Variants in HSD11B1 observed in about 807,000 individuals in gnomAD.
The protein encoded by HSD11B1 is hydroxysteroid 11-beta dehydrogenase 1.
A neutral mutation model predicts 22.1 loss-of-function variants in HSD11B1; 15 were observed. The ratio of observed to expected loss-of-function variants is 0.68; its 90% confidence interval spans 0.45 to 1.04. HSD11B1 has a LOEUF of 1.04. Among genes scored for constraint, HSD11B1 ranks in the 50% least tolerant of loss-of-function variants. The pLI is 0.00. For missense variants in HSD11B1, 281 were observed against 357.6 expected, an observed-to-expected ratio of 0.79 and a Z score of 1.73; for synonymous variants, 122 against 125.2, an observed-to-expected ratio of 0.97 and a Z score of 0.17.
Position 209,706,009 on chromosome 1 carries a change from A to G in HSD11B1, c.219+68A>G, listed in dbSNP as rs2076856768. 2 of 1,592,552 alleles carry G rather than the reference A, an allele frequency of 1.3e-6. No individual in the cohort carries two copies. The highest frequency in any genetic ancestry group is 4.5e-5 in the East Asian group (2 of 44,582). ...CAGATGTGTTCTTATATATGCTCACATATACACAGAAGCTAGCATATCGCA... is the reference window on the plus strand; with the variant it reads ...CAGATGTGTTCTTATATATGCTCACGTATACACAGAAGCTAGCATATCGCA... On this transcript the variant is annotated intron_variant, in intron 2 of 5. Transcript: ENST00000367027. This position sits in a 1 kb window ranked among gnomAD's most constrained non-coding sequence, Gnocchi z 4.0.
chr1:209,709,877 C>T (rs1386690528), intron 4 of HSD11B1, among the ~76,000 whole-genome samples: 2 of 151,928 alleles, frequency 1.3e-5, no homozygotes, highest in African/African-American at 2.4e-5. Flanking sequence ...CCACATCACC[C>T]ATGCTAAAAA....
chr1:209,695,478 A>G (rs2076785379), intron 1 of HSD11B1, among the ~76,000 whole-genome samples: 1 of 152,200 alleles, frequency 6.6e-6, no homozygotes, highest in Non-Finnish European at 1.5e-5. Flanking sequence ...TGGTGAGTAA[A>G]AATAACAGTC....
At chr1:209,725,518 T>G (rs1294518049) in intron 4 of HSD11B1, among the ~76,000 whole-genome samples, 1 of 152,220 alleles carries the variant, frequency 6.6e-6, no homozygotes, top group Non-Finnish European at 1.5e-5. Flanking sequence ...TTTTCCTTAG[T>G]CATGCCAGTT....
chr1:209,721,934 T>G (rs1274837139), intron 4 of HSD11B1, among the ~76,000 whole-genome samples: 1 of 152,150 alleles, frequency 6.6e-6, no homozygotes, highest in Non-Finnish European at 1.5e-5. Flanking sequence ...GTTCTCCAAA[T>G]AATGCTATTG....
intron 4 of HSD11B1, among the ~76,000 whole-genome samples, chr1:209,718,192 T>C (rs774782850): frequency 1.7e-4 from 26 of 152,186 alleles, no homozygotes; most frequent in Non-Finnish European, 5.9e-5. Flanking sequence ...AGAGTGACTA[T>C]AGTTAGTAAC....
At chr1:209,702,652 T>C (rs2076832460), upstream of HSD11B1, among the ~76,000 whole-genome samples, 1 of 152,242 alleles carries the variant, frequency 6.6e-6, no homozygotes, top group Admixed American at 6.5e-5. Flanking sequence ...TGTATGCTTA[T>C]GTATTCTTGA....
chr1:209,697,486 G>A (rs373224910), intron 1 of HSD11B1, among the ~76,000 whole-genome samples: 33 of 152,256 alleles, frequency 2.2e-4, no homozygotes, highest in Non-Finnish European at 3.8e-4. Flanking sequence ...TTCCATTAGC[G>A]CACTGGTAAT....
upstream of HSD11B1, chr1:209,704,844 T>G (rs956532644): frequency 1.8e-5 from 16 of 896,138 alleles, no homozygotes; most frequent in Non-Finnish European, 2.6e-5. Context: ...GTCCCTGATG[T>G]CACAATTCAG....
chr1:209,690,984 C>A (rs572316133), intron 1 of HSD11B1, among the ~76,000 whole-genome samples: 1 of 152,030 alleles, frequency 6.6e-6, no homozygotes, highest in South Asian at 2.1e-4. Context: ...GTGCCCAACA[C>A]AATGAACCAC....
At chr1:209,726,466 C>A (rs1215836522) in intron 4 of HSD11B1, among the ~76,000 whole-genome samples, 1 of 151,956 alleles carries the variant, frequency 6.6e-6, no homozygotes, top group African/African-American at 2.4e-5. Flanking sequence ...ATTAGCCAAG[C>A]ACAGTGGCAT....
chr1:209,698,212 T>C (rs1422133041), intron 1 of HSD11B1, among the ~76,000 whole-genome samples: 1 of 142,812 alleles, frequency 7.0e-6, no homozygotes, highest in Non-Finnish European at 1.6e-5. Context: ...GATAGATAGA[T>C]AGATAGGAAG....
intron 4 of HSD11B1, among the ~76,000 whole-genome samples, chr1:209,720,356 C>G (rs898029091): frequency 2.6e-5 from 4 of 151,988 alleles, no homozygotes; most frequent in Admixed American, 6.6e-5. Flanking sequence ...GAGGAAACAC[C>G]GGATAAATCC....
chr1:209,704,948 T>C lies in HSD11B1; in HGVS notation c.6T>C (p.Ala2=). The C allele has an allele frequency of 6.2e-7, 1 of 1,613,624 alleles. No homozygotes were observed. Among genetic ancestry groups the C allele is most frequent in the Non-Finnish European group, 8.5e-7 (1 of 1,179,614 alleles). M[A]FMKKYLLPIL... Reference sequence around the variant, plus strand: ...TCAGGCCAGCTCCCTGTCGGATGGCTTTTATGAAAAAATATCTCCTCCCCA... The same window carrying C: ...TCAGGCCAGCTCCCTGTCGGATGGCCTTTATGAAAAAATATCTCCTCCCCA... The change falls in exon 1 of 6, where the codon GCT becomes GCC. Residue 2 remains alanine, a synonymous_variant. Transcript: ENST00000367027.
At chr1:209,730,879 C>T (rs969356015) in intron 4 of HSD11B1, among the ~76,000 whole-genome samples, 8 of 152,104 alleles carry the variant, frequency 5.3e-5, no homozygotes, top group Non-Finnish European at 1.0e-4. Flanking sequence ...GACAAAATAT[C>T]GACGACAACC....
chr1:209,697,902 T>TTTTTTTTTTTTTTTTTTTTTTG (rs2076801416), intron 1 of HSD11B1, among the ~76,000 whole-genome samples: 1 of 119,924 alleles, frequency 8.3e-6, no homozygotes, highest in Non-Finnish European at 1.8e-5. Context: ...TTTTTTTTTT[T>TTTTTTTTTTTTTTTTTTTTTTG]TTTTTTTTTT....
chr1:209,728,448 A>G lies in HSD11B1; in HGVS notation c.518-3988A>G, dbSNP rs191043129. ...TGGGTTACTTCAGCTTGGTTATATT[A>G]TTATCCACATATTACAGCTAAGAAT... is the stretch of plus-strand genomic sequence containing the variant. On this transcript the variant is annotated intron_variant, in intron 4 of 5. Transcript: ENST00000367027. Among the ~76,000 whole-genome samples, 151 of 152,290 alleles carry G rather than the reference A, an allele frequency of 9.9e-4. 1 individual carries two copies. The highest frequency in any genetic ancestry group is 1.7e-3 in the South Asian group (8 of 4,816).
chr1:209,706,569 AC>A lies in HSD11B1; in HGVS notation c.220-139del. On this transcript the variant is annotated intron_variant, in intron 2 of 5. Transcript: ENST00000367027. This position sits in a 1 kb window ranked among gnomAD's most constrained non-coding sequence, Gnocchi z 4.0. Reference sequence around the variant, plus strand: ...ATGATCATGAGGGTTATATTAGGCAACACACACACAAACATACTTACCATTT... The same window carrying A: ...ATGATCATGAGGGTTATATTAGGCAAACACACACAAACATACTTACCATTT... 1 of 743,372 alleles carries A rather than the reference AC, an allele frequency of 1.3e-6. No individual in the cohort carries two copies. Among genetic ancestry groups the A allele is most frequent in the South Asian group, 1.4e-5 (1 of 71,750 alleles). 46.0% of individuals were successfully genotyped at this position (743,372 alleles called of 1,614,324 possible).
chr1:209,730,159 TA>T (rs2077026848), intron 4 of HSD11B1, among the ~76,000 whole-genome samples: 1 of 152,038 alleles, frequency 6.6e-6, no homozygotes, highest in Non-Finnish European at 1.5e-5. Context: ...AAATAAAGGG[TA>T]TCCCAGTTGA....
At chr1:209,705,785 C>T (rs770169271) in intron 1 of HSD11B1, 26 bp from the exon 2 acceptor site, 1 of 1,612,794 alleles carries the variant, frequency 6.2e-7, no homozygotes, top group East Asian at 2.2e-5. Context: ...TGGGTATGGT[C>T]CTCACTTCCT....
Sources: allele counts gnomAD v4.1 joint callset (sites outside exome capture counted in the v4.1 genomes callset), GRCh38; gene constraint gnomAD v4.1.1; non-coding constraint Gnocchi (gnomAD v3.1); transcripts MANE v1.5; gene names NCBI Gene and HGNC (gene_info 2026-07-23, HGNC 2026-07-21).